Variants in DCN observed in about 807,000 individuals in gnomAD.
DCN encodes decorin, also known as bone proteoglycan II.
In DCN, 17 loss-of-function variants were observed where a neutral mutation model predicts 36.5. That is an observed-to-expected ratio of 0.47 (90% CI 0.32 to 0.70). DCN has a LOEUF of 0.70. Ranked by LOEUF, DCN falls within the 30% of genes least tolerant of loss-of-function variation. DCN has a pLI of 0.04. For missense variants in DCN, 389 were observed against 430.1 expected (o/e 0.90, Z 0.84); for synonymous variants, 163 against 161.4 (o/e 1.01, Z -0.07).
intron 7 of DCN, among the ~76,000 whole-genome samples, chr12:91,146,985 C>T (rs1881068479): frequency 6.6e-6 from 1 of 152,172 alleles, no homozygotes; most frequent in Non-Finnish European, 1.5e-5. Flanking sequence ...CCTGCTTCCC[C>T]TTTTGCCTTC....
intron 5 of DCN, among the ~76,000 whole-genome samples, chr12:91,154,015 T>C (rs2121188291): frequency 6.6e-6 from 1 of 152,240 alleles, no homozygotes; most frequent in South Asian, 2.1e-4. Context: ...TTCCACTTAA[T>C]AGCAATAGAT....
rs1447986015 is a variant in DCN, at chr12:91,172,507, G to A, written c.211+5835C>T. 2.4e-5 allele frequency: 6 copies of A among 250,298 alleles called. No individual in the cohort carries two copies. In the East Asian group the frequency reaches 2.7e-4, roughly 11 times the overall value. 15.5% of individuals were successfully genotyped at this position (250,298 alleles called of 1,614,324 possible). A position where few individuals can be genotyped will look rare whatever the true frequency, so the allele number is the denominator to read the frequency against. On this transcript the variant is annotated intron_variant, in intron 2 of 7. Coordinates refer to ENST00000052754, the MANE Select transcript of DCN (RefSeq NM_001920.5). ...ATCTTAAAAATGGCAATCTGACTGC[G>A]TTATCAGTTAGACCAGGCTTCATAC...
At chr12:91,151,561 C>A (rs575806695) in intron 7 of DCN, 93 bp downstream of exon 7, 2 of 1,488,170 alleles carry the variant, frequency 1.3e-6, no homozygotes, top group East Asian at 2.3e-5. Flanking sequence ...AAAAAAACTT[C>A]TAAGAAGAGC....
intron 4 of DCN, among the ~76,000 whole-genome samples, chr12:91,157,579 T>C (rs1881870850): frequency 6.6e-6 from 1 of 152,198 alleles, no homozygotes; most frequent in Admixed American, 6.5e-5. Flanking sequence ...AATTTCAATC[T>C]AGCATTTTAT....
intron 7 of DCN, chr12:91,150,715 A>G (rs985294616): frequency 6.6e-6 from 1 of 152,194 alleles, no homozygotes; most frequent in Non-Finnish European, 1.5e-5. Context: ...CAGAAATACC[A>G]TTTGACCCAG....
chr12:91,180,386 A>AAGAG (rs374163156), intron 1 of DCN: 6 of 150,532 alleles, frequency 4.0e-5, no homozygotes, highest in African/African-American at 9.8e-5. Context: ...AAGTGAAAGA[A>AAGAG]AGAGAGAGAG....
In DCN at chr12:91,151,648, C is replaced by T; in HGVS notation, c.885+6G>A. On this transcript the variant is annotated splice_donor_region_variant and intron_variant, in intron 7 of 7. Transcript: ENST00000052754. ...ATTCCTCACATAAGCAGTGGCTTTG[C>T]ATTACCTGGATGTACTTATGCTCTG... The T allele has an allele frequency of 6.2e-7, 1 of 1,613,908 alleles. No homozygotes were observed. The highest frequency in any genetic ancestry group is 8.5e-7 in the Non-Finnish European group (1 of 1,179,876).
rs530149040 is a variant in DCN at position 91,164,737 on chromosome 12, A to G, written c.212-20T>C. The stretch of plus-strand genomic sequence containing the variant: ...CCAGACCTAGCATAAGAGTAATAGG[A>G]GTGTGCTGTGAGTAGAAAGGACATG... On this transcript the variant is annotated intron_variant, in intron 2 of 7. Transcript: ENST00000052754. The G allele has an allele frequency of 4.4e-5, 56 of 1,269,546 alleles. No homozygotes were observed. The highest frequency in any genetic ancestry group is 3.9e-4 in the South Asian group (33 of 84,096). 78.6% of individuals were successfully genotyped at this position (1,269,546 alleles called of 1,614,324 possible). A position where few individuals can be genotyped will look rare whatever the true frequency, so the allele number is the denominator to read the frequency against.
At chr12:91,164,386 AAAG>A (rs1659261487) in intron 3 of DCN, among the ~76,000 whole-genome samples, 1 of 140,022 alleles carries the variant, frequency 7.1e-6, no homozygotes, top group African/African-American at 2.7e-5. Flanking sequence ...ATTAAAAAAA[AAAG>A]AAGCATAATT....
chr12:91,175,541 T>C (rs1883238287), intron 2 of DCN: 1 of 152,116 alleles, frequency 6.6e-6, no homozygotes, highest in Non-Finnish European at 1.5e-5. Context: ...TATTTCTTAG[T>C]GGTAAAAAGT....
Position 91,145,966 on chromosome 12 carries a change from G to T in DCN, c.*92C>A, listed in dbSNP as rs1880981552. 1.8e-6 allele frequency: 2 copies of T among 1,118,048 alleles called. No individual in the cohort carries two copies. The highest frequency in any genetic ancestry group is 2.7e-6 in the Non-Finnish European group (2 of 734,820). The allele number at this position is 1,118,048 out of a possible 1,614,324, so 69.3% of individuals were successfully genotyped here. A position where few individuals can be genotyped will look rare whatever the true frequency, so the allele number is the denominator to read the frequency against. ...ATGTGGGTAAAACATCCACATTGCA[G>T]TTAGGTTTCCAGTATCTAGCTTTTA... On this transcript the variant is annotated 3_prime_UTR_variant, in exon 8 of 8. Coordinates refer to ENST00000052754, the MANE Select transcript of DCN (RefSeq NM_001920.5).
At position 91,164,696 on chromosome 12, in the gene DCN, T is replaced by C; in HGVS notation, c.233A>G (p.Asp78Gly). The C allele has an allele frequency of 6.2e-7, 1 of 1,609,218 alleles. No individual in the cohort carries two copies. The highest frequency in any genetic ancestry group is 8.5e-7 in the Non-Finnish European group (1 of 1,175,558). ...SDLGLDKVPKDLPPDTTLLDL... is the reference protein window; with the variant it reads ...SDLGLDKVPKGLPPDTTLLDL... ...TAGCAGAGTTGTGTCAGGGGGAAGA[T>C]CCTTTGGCACTTTGTCCAGACCTAG... The change falls in exon 3 of 8, where the codon GAT (aspartate) becomes GGT (glycine). Residue 78 changes from aspartate to glycine, a missense_variant. Transcript: ENST00000052754.
In DCN at chr12:91,157,204, G is replaced by A. The variant is rs757783232; in HGVS notation, c.539-16C>T. ...GTGCCCAGTTCTACAAATGTAATAA[G>A]TGCAAGGCTTTTAGAGGAAATTTTA... is the stretch of plus-strand genomic sequence containing the variant. On this transcript the variant is annotated splice_polypyrimidine_tract_variant and intron_variant, in intron 4 of 7. Transcript: ENST00000052754. The A allele has an allele frequency of 6.3e-7, 1 of 1,576,316 alleles. No individual in the cohort carries two copies. The highest frequency in any genetic ancestry group is 8.7e-7 in the Non-Finnish European group (1 of 1,145,764).
At chr12:91,163,849 AAAAC>A (rs1166280027) in intron 3 of DCN, among the ~76,000 whole-genome samples, 1 of 152,216 alleles carries the variant, frequency 6.6e-6, no homozygotes, top group African/African-American at 2.4e-5. Context: ...AAAATGCATG[AAAAC>A]AAACAAAAGA....
chr12:91,159,423 T>C (rs1211936295), intron 3 of DCN, among the ~76,000 whole-genome samples: 1 of 152,174 alleles, frequency 6.6e-6, no homozygotes, highest in Non-Finnish European at 1.5e-5. Context: ...AAACTATTTT[T>C]TTTTTATTTT....
chr12:91,146,132 A>T lies in DCN; in HGVS notation c.1006T>A (p.Tyr336Asn), dbSNP rs1365039217. 6.2e-7 allele frequency: 1 copy of T among 1,613,744 alleles called. No homozygotes were observed. The highest frequency in any genetic ancestry group is 1.3e-5 in the African/African-American group (1 of 74,884). Residue 336 changes from tyrosine to asparagine, a missense_variant, in exon 8 of 8, where the codon TAC (tyrosine) becomes AAC (asparagine). Coordinates refer to ENST00000052754, the MANE Select transcript of DCN (RefSeq NM_001920.5). Reference protein sequence around the residue: ...GVSLFSNPVQYWEIQPSTFRC... With the variant: ...GVSLFSNPVQNWEIQPSTFRC... The stretch of plus-strand genomic sequence containing the variant: ...AAGGTGGATGGCTGTATCTCCCAGT[A>T]CTGGACCGGGTTGCTGAAAAGACTC...
At chr12:91,182,340 G>C (rs531039678) in intron 1 of DCN, among the ~76,000 whole-genome samples, 10 of 152,120 alleles carry the variant, frequency 6.6e-5, no homozygotes, top group Admixed American at 2.6e-4. Flanking sequence ...ACCATCTCTT[G>C]AAGAGCTAAA....
At chr12:91,160,791 T>C (rs904780007) in intron 3 of DCN, among the ~76,000 whole-genome samples, 1 of 152,214 alleles carries the variant, frequency 6.6e-6, no homozygotes, top group Admixed American at 6.5e-5. Flanking sequence ...ACTCAACTTA[T>C]TAAGCTTCAA....
rs375478297 is a variant in DCN, at chr12:91,151,638, A to G, written c.885+16T>C. ...CTTTTTGGATATTCCTCACATAAGC[A>G]GTGGCTTTGCATTACCTGGATGTAC... On this transcript the variant is annotated intron_variant, in intron 7 of 7. Transcript: ENST00000052754. The G allele has an allele frequency of 6.8e-5, 110 of 1,613,792 alleles. No individual in the cohort carries two copies. The highest frequency in any genetic ancestry group is 9.1e-5 in the Non-Finnish European group (107 of 1,179,866).
Sources: allele counts gnomAD v4.1 joint callset (sites outside exome capture counted in the v4.1 genomes callset), GRCh38; gene constraint gnomAD v4.1.1; transcripts MANE v1.5; gene names NCBI Gene and HGNC (gene_info 2026-07-23, HGNC 2026-07-21).